The following CNIH3 variants were observed in gnomAD, a reference collection of about 807,000 sequenced individuals.
The protein encoded by CNIH3 is protein cornichon homolog 3.
Under a neutral mutation model 24.1 loss-of-function variants are expected in CNIH3, and 14 were observed. The observed-to-expected ratio is 0.58, with a 90% CI of 0.38 to 0.91. The LOEUF (loss-of-function observed/expected upper bound fraction) is 0.91. CNIH3 is among the 40% of genes least tolerant of loss of function. The pLI, the probability that CNIH3 is intolerant of heterozygous loss-of-function variation, is 0.00. For synonymous variants in CNIH3, 68 were observed against 73.8 expected (o/e 0.92, Z 0.40); for missense variants, 178 against 196.8 (o/e 0.90, Z 0.57).
chr1:224,670,981 A>C (rs1481741962), intron 1 of CNIH3, among the ~76,000 whole-genome samples: 1 of 152,224 alleles, frequency 6.6e-6, no homozygotes, highest in African/African-American at 2.4e-5. Flanking sequence ...GGCCTCATCC[A>C]ATCAGCTGAA....
At chr1:224,739,211 A>T (rs768553107) in intron 5 of CNIH3, 118 bp from the exon 6 acceptor site, 8 of 1,498,564 alleles carry the variant, frequency 5.3e-6, no homozygotes, top group Admixed American at 5.0e-5. Flanking sequence ...AATGAGGGAG[A>T]AGCCAAGGGG....
intron 1 of CNIH3, among the ~76,000 whole-genome samples, chr1:224,517,258 C>A (rs115561826): frequency 0.022 from 3,310 of 152,174 alleles, 51 homozygotes; most frequent in Middle Eastern, 0.041. Context: ...GTTCTGCACA[C>A]CCAATAGTGT....
At chr1:224,443,142 G>A (rs572306979) in intron 1 of CNIH3, among the ~76,000 whole-genome samples, 5 of 152,292 alleles carry the variant, frequency 3.3e-5, no homozygotes, top group African/African-American at 7.2e-5. Flanking sequence ...TAAGCTAGGC[G>A]TTAACTTGGA....
At chr1:224,468,246 T>C (rs1319480340) in intron 1 of CNIH3, among the ~76,000 whole-genome samples, 2 of 152,180 alleles carry the variant, frequency 1.3e-5, no homozygotes, top group African/African-American at 2.4e-5. Context: ...GGAATTTGGA[T>C]AGGAATTATG....
At chr1:224,530,606 T>G (rs188610841) in intron 2 of CNIH3, among the ~76,000 whole-genome samples, 217 of 152,122 alleles carry the variant, frequency 1.4e-3, no homozygotes, top group Non-Finnish European at 2.4e-3. Flanking sequence ...TTTTTTCTTT[T>G]TTTCTTTTTT....
At chr1:224,647,450 C>G (rs1003792229) in intron 1 of CNIH3, among the ~76,000 whole-genome samples, 4 of 152,210 alleles carry the variant, frequency 2.6e-5, no homozygotes, top group Non-Finnish European at 4.4e-5. Flanking sequence ...CTGACCACCC[C>G]CCTGCCTGGG....
intron 5 of CNIH3, among the ~76,000 whole-genome samples, chr1:224,584,382 C>T (rs1041230880): frequency 6.6e-6 from 1 of 152,220 alleles, no homozygotes; most frequent in East Asian, 1.9e-4. Flanking sequence ...GTATTTAGGA[C>T]AGCAAGGCAC....
intron 3 of CNIH3, among the ~76,000 whole-genome samples, chr1:224,596,780 C>A (rs1681998475): frequency 6.6e-6 from 1 of 152,154 alleles, no homozygotes; most frequent in African/African-American, 2.4e-5. Context: ...AGCTTTGGAA[C>A]AGCTCAGAGT....
chr1:224,530,332 A>G (rs1679014423), intron 2 of CNIH3, among the ~76,000 whole-genome samples: 1 of 152,262 alleles, frequency 6.6e-6, no homozygotes, highest in Non-Finnish European at 1.5e-5. Flanking sequence ...ATTAAGTCCC[A>G]TTAGTCAAGT....
chr1:224,722,585 G>C (rs1423917680), intron 3 of CNIH3, among the ~76,000 whole-genome samples: 1 of 152,174 alleles, frequency 6.6e-6, no homozygotes, highest in Non-Finnish European at 1.5e-5. Flanking sequence ...ACTTTGAGCA[G>C]GGTTCTCAGT....
chr1:224,737,387 T>C (rs1282342873), intron 5 of CNIH3, among the ~76,000 whole-genome samples: 1 of 152,188 alleles, frequency 6.6e-6, no homozygotes, highest in Non-Finnish European at 1.5e-5. Context: ...ACTCTGTTTC[T>C]AAAACAAAAT....
chr1:224,666,336 G>A (rs534521434), intron 1 of CNIH3, among the ~76,000 whole-genome samples: 7 of 152,318 alleles, frequency 4.6e-5, no homozygotes, highest in Admixed American at 1.3e-4. Flanking sequence ...GGTCTGGTAA[G>A]GGTTCCAGCA....
chr1:224,564,106 T>C (rs16849647), intron 3 of CNIH3, among the ~76,000 whole-genome samples: 6,793 of 152,350 alleles, frequency 0.045, 223 homozygotes, highest in Non-Finnish European at 0.065. Flanking sequence ...CAGCCACATA[T>C]TGAAGTGTAC....
At chr1:224,435,375 A>T in intron 1 of CNIH3, among the ~76,000 whole-genome samples, 1 of 152,050 alleles carries the variant, frequency 6.6e-6, no homozygotes, top group African/African-American at 2.4e-5. Context: ...CCATCCCGGG[A>T]GCTGTGAGAT....
intron 1 of CNIH3, among the ~76,000 whole-genome samples, chr1:224,520,789 G>A (rs1678593919): frequency 6.6e-6 from 1 of 152,238 alleles, no homozygotes; most frequent in Non-Finnish European, 1.5e-5. Flanking sequence ...TGCATGAAGA[G>A]AGGCTCATGT....
rs1364907258 is a variant in CNIH3 at position 224,703,654 on chromosome 1, C to T, written c.198+18811C>T. 1.3e-5 allele frequency among the ~76,000 whole-genome samples: 2 copies of T among 152,190 alleles called. No homozygotes were observed. Among genetic ancestry groups the T allele is most frequent in the African/African-American group, 4.8e-5 (2 of 41,444 alleles). ...GCCTGGTTGCCTCTTTCAAGCCTCC[C>T]TACCCAGTTCTTGAGCTAAGAATAG... On this transcript the variant is annotated intron_variant, in intron 3 of 5. Transcript: ENST00000272133. The surrounding 1 kb of genome is among the most constrained non-coding windows in gnomAD (Gnocchi z 4.2).
chr1:224,739,559 C>A lies in CNIH3; in HGVS notation c.*203C>A. The A allele has an allele frequency of 1.1e-6, 1 of 928,850 alleles. No individual in the cohort carries two copies. The highest frequency in any genetic ancestry group is 1.6e-6 in the Non-Finnish European group (1 of 628,838). 57.5% of individuals were successfully genotyped at this position (928,850 alleles called of 1,614,324 possible). On this transcript the variant is annotated 3_prime_UTR_variant, in exon 6 of 6. Transcript: ENST00000272133. ...TGCGTGTCTGTGTCACCCTGTTTGT[C>A]AATCTTTGGCATTCGAATTCCACAC...
rs559766696 is a variant in CNIH3 at position 224,554,508 on chromosome 1, CTT to C, written n.450+7575_450+7576del. Among the ~76,000 whole-genome samples the C allele has an allele frequency of 2.0e-5, 3 of 151,966 alleles. No homozygotes were observed. In the South Asian group the frequency reaches 6.2e-4, roughly 32 times the overall value. The stretch of plus-strand genomic sequence containing the variant: ...TGCATCTGTACTGAACACCTGCAGA[CTT>C]TTTTTCTTGTCATTATTCCCTAAAC... On this transcript the variant is annotated intron_variant and non_coding_transcript_variant, in intron 3 of 5. Transcript: ENST00000471578.
intron 1 of CNIH3, among the ~76,000 whole-genome samples, chr1:224,479,881 G>C (rs1676735676): frequency 6.6e-6 from 1 of 152,206 alleles, no homozygotes; most frequent in South Asian, 2.1e-4. Flanking sequence ...GCTGCAAGCT[G>C]TCAGTGGATC....
Sources: gnomAD v4.1 joint callset for allele counts (sites outside exome capture counted in the v4.1 genomes callset) on GRCh38, gnomAD v4.1.1 for gene constraint, Gnocchi (gnomAD v3.1) non-coding constraint, MANE v1.5 for transcripts, NCBI Gene and HGNC (gene_info 2026-07-23, HGNC 2026-07-21) for gene names.